APP: variants seen among roughly 807,000 people sequenced by gnomAD.
The protein encoded by APP is amyloid beta precursor protein.
A neutral mutation model predicts 101.4 loss-of-function variants in APP; 31 were observed. That is an observed-to-expected ratio of 0.31 (90% CI 0.23 to 0.41). The LOEUF (loss-of-function observed/expected upper bound fraction) is 0.41. Ranked by LOEUF, APP falls within the 10% of genes least tolerant of loss-of-function variation. The pLI, the probability that APP is intolerant of heterozygous loss-of-function variation, is 1.00. For synonymous variants in APP, 366 were observed against 364.4 expected (o/e 1.00, Z -0.05); for missense variants, 839 against 1,003.7 (o/e 0.84, Z 2.22).
At chr21:25,937,376 CAT>C (rs1435405431) in intron 13 of APP, among the ~76,000 whole-genome samples, 3 of 152,186 alleles carry the variant, frequency 2.0e-5, no homozygotes, top group Admixed American at 6.5e-5. Flanking sequence ...GTATTCAGCA[CAT>C]GTTTTCTTTG....
At chr21:26,103,440 A>G (rs1183474706) in intron 2 of APP, among the ~76,000 whole-genome samples, 1 of 141,774 alleles carries the variant, frequency 7.1e-6, no homozygotes, top group East Asian at 2.1e-4. Context: ...ATCTCTACCA[A>G]AATACAAAAA....
chr21:26,136,997 T>C (rs2062933832), intron 1 of APP, among the ~76,000 whole-genome samples: 1 of 152,098 alleles, frequency 6.6e-6, no homozygotes, highest in Non-Finnish European at 1.5e-5. Context: ...GTTCAAGAGA[T>C]CCATCTCTGC....
intron 5 of APP, among the ~76,000 whole-genome samples, chr21:26,042,557 T>C (rs1464821733): frequency 6.6e-6 from 1 of 152,306 alleles, no homozygotes; most frequent in African/African-American, 2.4e-5. Flanking sequence ...CACCTACAAA[T>C]TGAGCCTGTG....
chr21:25,945,402 T>C (rs1267439193), intron 13 of APP: 1 of 141,538 alleles, frequency 7.1e-6, no homozygotes, highest in East Asian at 2.0e-4. Context: ...TTTTTTTTTT[T>C]GCAGAAATGG....
intron 5 of APP, among the ~76,000 whole-genome samples, chr21:26,032,782 C>T (rs948358038): frequency 8.6e-6 from 1 of 116,644 alleles, no homozygotes; most frequent in Non-Finnish European, 1.7e-5. Flanking sequence ...TTTCTTGGGG[C>T]TTATTATTTT....
chr21:26,133,239 GACAAA>G (rs999939751), intron 1 of APP, among the ~76,000 whole-genome samples: 1 of 152,096 alleles, frequency 6.6e-6, no homozygotes, highest in Non-Finnish European at 1.5e-5. Flanking sequence ...ATCTCTCAAA[GACAAA>G]ACAAAACAAA....
rs2045823920 is a variant in APP, at chr21:26,051,185, A to G, written c.477T>C (p.Ser159=). Residue 159 remains serine (S), a synonymous_variant, in exon 5 of 18, where the codon AGT becomes AGC. Transcript: ENST00000346798. ...AGTCATGCAAGTTGGTACTCTTCTC[A>G]CTGCATGTCTACAAAGTGTAAGGAG... ...HWHTVAKETC[S]EKSTNLHDYG... 4 of 1,613,568 alleles carry G rather than the reference A, an allele frequency of 2.5e-6. No individual in the cohort carries two copies. The highest frequency in any genetic ancestry group is 3.4e-6 in the Non-Finnish European group (4 of 1,179,678).
intron 1 of APP, among the ~76,000 whole-genome samples, chr21:26,163,771 G>T (rs1210657102): frequency 6.6e-6 from 1 of 152,142 alleles, no homozygotes; most frequent in Non-Finnish European, 1.5e-5. Context: ...TTTAACCACA[G>T]TATCACCAGT....
At chr21:26,140,791 C>T (rs1338612355) in intron 1 of APP, among the ~76,000 whole-genome samples, 1 of 152,156 alleles carries the variant, frequency 6.6e-6, no homozygotes, top group Non-Finnish European at 1.5e-5. Flanking sequence ...ATAGACTCTC[C>T]CTTAAACTCA....
At chr21:25,971,689 A>G (rs946872436) in intron 11 of APP, among the ~76,000 whole-genome samples, 1 of 152,224 alleles carries the variant, frequency 6.6e-6, no homozygotes, top group South Asian at 2.1e-4. Flanking sequence ...AAATCACCAA[A>G]AAGAATTAGC....
intron 3 of APP, among the ~76,000 whole-genome samples, chr21:26,074,618 G>C (rs781000534): frequency 3.3e-5 from 5 of 152,126 alleles, no homozygotes; most frequent in Non-Finnish European, 7.4e-5. Flanking sequence ...AGGCATGATG[G>C]CGTGTGCCTG....
At chr21:26,090,598 G>C (rs905684725) in intron 2 of APP, among the ~76,000 whole-genome samples, 2 of 152,122 alleles carry the variant, frequency 1.3e-5, no homozygotes, top group African/African-American at 4.8e-5. Context: ...AACAAGAGGG[G>C]GAAAGGAGGA....
chr21:25,904,092 T>C (rs180725954), intron 15 of APP, among the ~76,000 whole-genome samples: 199 of 152,338 alleles, frequency 1.3e-3, no homozygotes, highest in Non-Finnish European at 2.0e-3. Context: ...TCTTTGACTA[T>C]CGCCTGGGGA....
intron 1 of APP, among the ~76,000 whole-genome samples, chr21:26,119,494 A>C (rs2062513068): frequency 6.6e-6 from 1 of 152,238 alleles, no homozygotes; most frequent in Admixed American, 6.5e-5. Context: ...TAATGCAGCC[A>C]ACTGAATCTG....
At chr21:25,951,416 T>C (rs551530298) in intron 13 of APP, among the ~76,000 whole-genome samples, 15 of 152,334 alleles carry the variant, frequency 9.8e-5, no homozygotes, top group African/African-American at 3.4e-4. Context: ...AATTAAACCA[T>C]TGTATCTCTC....
chr21:26,026,877 T>A (rs959718200), intron 5 of APP, among the ~76,000 whole-genome samples: 8 of 152,200 alleles, frequency 5.3e-5, no homozygotes, highest in African/African-American at 1.9e-4. Flanking sequence ...CAGTGTAGGT[T>A]CACTGATTGT....
intron 2 of APP, among the ~76,000 whole-genome samples, chr21:26,094,339 TC>T (rs1248867797): frequency 6.6e-6 from 1 of 152,024 alleles, no homozygotes; most frequent in African/African-American, 2.4e-5. Flanking sequence ...CAAAACTTCT[TC>T]TGAAGCAGAG....
At chr21:26,099,771 T>C (rs2062018333) in intron 2 of APP, among the ~76,000 whole-genome samples, 1 of 152,218 alleles carries the variant, frequency 6.6e-6, no homozygotes, top group Non-Finnish European at 1.5e-5. Context: ...TGCAACTTAA[T>C]GAGGCGCTGA....
chr21:26,038,491 C>A (rs530287868), intron 5 of APP, among the ~76,000 whole-genome samples: 76 of 152,220 alleles, frequency 5.0e-4, no homozygotes, highest in Non-Finnish European at 9.0e-4. Context: ...CCAGCTGGCG[C>A]GGTGTCTCAC....
Sources: gnomAD v4.1 joint callset for allele counts (sites outside exome capture counted in the v4.1 genomes callset) on GRCh38, gnomAD v4.1.1 for gene constraint, MANE v1.5 for transcripts, NCBI Gene and HGNC (gene_info 2026-07-23, HGNC 2026-07-21) for gene names.